PDE1C: variants seen among roughly 807,000 people sequenced by gnomAD.
PDE1C encodes the protein dual specificity calcium/calmodulin-dependent 3',5'-cyclic nucleotide phosphodiesterase 1C.
Under a neutral mutation model 93.1 loss-of-function variants are expected in PDE1C, and 62 were observed. The observed-to-expected ratio is 0.67, with a 90% CI of 0.54 to 0.82. The LOEUF is 0.82. Ranked by LOEUF, PDE1C falls within the 40% of genes least tolerant of loss-of-function variation. PDE1C has a pLI of 0.00. For missense variants in PDE1C, 742 were observed against 884.6 expected, an observed-to-expected ratio of 0.84 and a Z score of 2.04; for synonymous variants, 325 against 310.1, an observed-to-expected ratio of 1.05 and a Z score of -0.50.
chr7:32,102,484 A>G (rs1350293630), intron 3 of PDE1C, among the ~76,000 whole-genome samples: 2 of 152,212 alleles, frequency 1.3e-5, no homozygotes, highest in Non-Finnish European at 2.9e-5. Flanking sequence ...TAATAATACT[A>G]TCCTCAAAGG....
At chr7:32,362,551 T>C (rs1438873304) in intron 1 of PDE1C, among the ~76,000 whole-genome samples, 1 of 152,144 alleles carries the variant, frequency 6.6e-6, no homozygotes, top group Non-Finnish European at 1.5e-5. Flanking sequence ...CCATCATAGA[T>C]GGAGTTCAGC....
At chr7:32,364,774 A>C (rs750284359) in intron 1 of PDE1C, among the ~76,000 whole-genome samples, 8 of 152,188 alleles carry the variant, frequency 5.3e-5, no homozygotes, top group Non-Finnish European at 1.0e-4. Flanking sequence ...TAGCCGCTGC[A>C]CCTCTCCAGC....
chr7:31,831,706 G>T (rs775870118), intron 11 of PDE1C, among the ~76,000 whole-genome samples: 1 of 151,832 alleles, frequency 6.6e-6, no homozygotes, highest in Non-Finnish European at 1.5e-5. Context: ...GAGAGGAGGA[G>T]GAGAAGGGGC....
At chr7:32,130,018 T>C (rs1468408783) in intron 3 of PDE1C, among the ~76,000 whole-genome samples, 2 of 152,126 alleles carry the variant, frequency 1.3e-5, no homozygotes, top group Non-Finnish European at 2.9e-5. Flanking sequence ...CCCACAATAA[T>C]AGTGGAAACA....
chr7:31,769,105 T>C (rs2128620323), intron 17 of PDE1C, among the ~76,000 whole-genome samples: 1 of 152,300 alleles, frequency 6.6e-6, no homozygotes, highest in East Asian at 1.9e-4. Context: ...CTTAACACTT[T>C]TTTTAATGAA....
At chr7:32,071,447 T>C (rs1796051091), upstream of PDE1C, 12 of 984,558 alleles carry the variant, frequency 1.2e-5, no homozygotes, top group Non-Finnish European at 1.2e-5. Context: ...AAAGGGGCTC[T>C]CTCGCTCGCG....
intron 2 of PDE1C, among the ~76,000 whole-genome samples, chr7:32,024,740 A>G (rs944073442): frequency 3.3e-5 from 5 of 152,114 alleles, no homozygotes. Context: ...AGAATCCCAC[A>G]TACAGTTTGG....
At chr7:32,217,089 C>A (rs1294844129) in intron 1 of PDE1C, among the ~76,000 whole-genome samples, 1 of 152,196 alleles carries the variant, frequency 6.6e-6, no homozygotes, top group Non-Finnish European at 1.5e-5. Context: ...AAGCTACTGA[C>A]AAAGGGAGGA....
At chr7:31,699,239 C>T in the PDE1C span, among the ~76,000 whole-genome samples, 1 of 152,284 alleles carries the variant, frequency 6.6e-6, no homozygotes, top group Non-Finnish European at 1.5e-5. Context: ...TAACATCCTG[C>T]ATCAGCCCTT....
chr7:31,781,888 A>C (rs1562779954), intron 16 of PDE1C, among the ~76,000 whole-genome samples: 3 of 152,108 alleles, frequency 2.0e-5, no homozygotes, highest in Admixed American at 1.3e-4. Flanking sequence ...CAGAGATACA[A>C]CACCACAAGC....
chr7:32,300,394 A>T (rs926481371), upstream of PDE1C, among the ~76,000 whole-genome samples: 2 of 152,244 alleles, frequency 1.3e-5, no homozygotes, highest in African/African-American at 2.4e-5. Context: ...CATGCCACAT[A>T]GAATGGCATA....
At chr7:32,172,368 A>G (rs192697654) in intron 2 of PDE1C, among the ~76,000 whole-genome samples, 3 of 152,294 alleles carry the variant, frequency 2.0e-5, no homozygotes, top group African/African-American at 4.8e-5. Flanking sequence ...AACACCATCA[A>G]AAAATGGGCA....
At chr7:32,361,287 T>C (rs1784132435) in intron 1 of PDE1C, among the ~76,000 whole-genome samples, 1 of 152,156 alleles carries the variant, frequency 6.6e-6, no homozygotes, top group Admixed American at 6.5e-5. Flanking sequence ...TGCCCTAAGA[T>C]GTCTAATCCA....
chr7:31,740,355 T>C, the PDE1C span, among the ~76,000 whole-genome samples: 1 of 152,354 alleles, frequency 6.6e-6, no homozygotes, highest in African/African-American at 2.4e-5. Context: ...ATGTTATGTA[T>C]ACACATGCAG....
intron 1 of PDE1C, among the ~76,000 whole-genome samples, chr7:32,391,668 T>C (rs1330079485): frequency 6.6e-6 from 1 of 152,086 alleles, no homozygotes; most frequent in Non-Finnish European, 1.5e-5. Context: ...TGGTATTCTA[T>C]AAGAAATCAA....
chr7:31,899,665 G>A (rs75050823), intron 2 of PDE1C, among the ~76,000 whole-genome samples: 1 of 152,304 alleles, frequency 6.6e-6, no homozygotes, highest in African/African-American at 2.4e-5. Context: ...ACGTGCGGGA[G>A]ACAGAGAAGG....
At chr7:32,391,523 G>A (rs1018096610) in intron 1 of PDE1C, among the ~76,000 whole-genome samples, 5 of 152,042 alleles carry the variant, frequency 3.3e-5, no homozygotes, top group African/African-American at 1.2e-4. Flanking sequence ...ACATTCTATT[G>A]AACAACAACT....
At chr7:31,898,166 C>T (rs976382368) in intron 2 of PDE1C, among the ~76,000 whole-genome samples, 1 of 151,852 alleles carries the variant, frequency 6.6e-6, no homozygotes, top group African/African-American at 2.4e-5. Context: ...ATTAGAAATT[C>T]CTTTCATAGT....
intron 11 of PDE1C, among the ~76,000 whole-genome samples, chr7:31,829,951 TA>T (rs1790168894): frequency 6.6e-6 from 1 of 152,168 alleles, no homozygotes; most frequent in Admixed American, 6.6e-5. Context: ...GTTCTGTCAG[TA>T]CATTTTAATG....
Sources: gnomAD v4.1 joint callset for allele counts (sites outside exome capture counted in the v4.1 genomes callset) on GRCh38, gnomAD v4.1.1 for gene constraint, MANE v1.5 for transcripts, NCBI Gene and HGNC (gene_info 2026-07-23, HGNC 2026-07-21) for gene names.